The following PEX13 variants were observed in gnomAD, a reference collection of about 807,000 sequenced individuals.
PEX13 encodes the protein peroxisomal biogenesis factor 13.
PEX13 carries 28 observed loss-of-function variants against 34.5 expected under a neutral mutation model. The ratio of observed to expected loss-of-function variants is 0.81; its 90% CI spans 0.60 to 1.11. The LOEUF (loss-of-function observed/expected upper bound fraction) is 1.11, where lower values mean the gene tolerates loss of function less well. PEX13 is among the 50% of genes most tolerant of loss of function. PEX13 has a pLI of 0.00. For missense variants in PEX13, 550 were observed against 491.0 expected (o/e 1.12, Z -1.13); for synonymous variants, 177 against 175.1 (o/e 1.01, Z -0.09).
chr2:61,017,785 C>A lies in PEX13; in HGVS notation c.26C>A (p.Pro9His), dbSNP rs764069625. 9.0e-6 allele frequency: 14 copies of A among 1,550,210 alleles called. No homozygotes were observed. The highest frequency in any genetic ancestry group is 2.0e-5 in the Admixed American group (1 of 50,918). Residue 9 changes from proline (P) to histidine (H), a missense_variant, in exon 1 of 4, where the codon CCC becomes CAC. Coordinates refer to ENST00000295030, the MANE Select transcript of PEX13 (RefSeq NM_002618.4). ...ATGGCGTCCCAGCCGCCACCTCCCC[C>A]CAAACCCTGGGAGACCCGCCGAATT... MASQPPPP[P>H]KPWETRRIPG...
intron 3 of PEX13, 44 bp from the exon 4 acceptor site, chr2:61,048,428 C>T (rs779384395): frequency 1.3e-6 from 2 of 1,541,450 alleles, no homozygotes; most frequent in South Asian, 1.1e-5. Flanking sequence ...TGTTGGACCT[C>T]CAAAGTATAT....
intron 2 of PEX13, among the ~76,000 whole-genome samples, chr2:61,036,968 C>A: frequency 6.6e-6 from 1 of 151,800 alleles, no homozygotes. Flanking sequence ...AAAAAAAAAG[C>A]AGGAGTTGCA....
chr2:61,020,769 C>T (rs1215393860), intron 1 of PEX13, among the ~76,000 whole-genome samples: 1 of 152,120 alleles, frequency 6.6e-6, no homozygotes, highest in African/African-American at 2.4e-5. Context: ...ATTCTCCTGC[C>T]TCAGTCTCCC....
intron 2 of PEX13, among the ~76,000 whole-genome samples, chr2:61,040,263 G>A (rs1323048999): frequency 6.6e-6 from 1 of 152,098 alleles, no homozygotes; most frequent in African/African-American, 2.4e-5. Context: ...TATAAATCGT[G>A]CTACTATAAA....
Position 61,031,839 on chromosome 2 carries a change from GA to G in PEX13, c.517del (p.Ile173TyrfsTer27). On this transcript the variant is annotated frameshift_variant, in exon 2 of 4. Coordinates refer to ENST00000295030, the MANE Select transcript of PEX13 (RefSeq NM_002618.4). LOFTEE classifies it high-confidence loss of function. Reference protein sequence around the residue: ...LDVANHFSRLKIHFTKVFSAF... With the variant: ...LDVANHFSRLXIHFTKVFSAF... ...ATGTAGCAAATCACTTTTCCCGATT[GA>G]AAATACACTTTACAAAAGTGTTTTC... 1 of 1,613,460 alleles carries G rather than the reference GA, an allele frequency of 6.2e-7. No homozygotes were observed. Among genetic ancestry groups the G allele is most frequent in the East Asian group, 2.2e-5 (1 of 44,884 alleles).
At position 61,031,955 on chromosome 2, in the gene PEX13, T is replaced by C; in HGVS notation, c.629T>C (p.Leu210Pro). Reference sequence around the variant, plus strand: ...AGAAGAGGCTCTGAGAATGAAGACCTCTGGGCAGAGAGTGAAGGAACTGTG... The same window carrying C: ...AGAAGAGGCTCTGAGAATGAAGACCCCTGGGCAGAGAGTGAAGGAACTGTG... ...GLRRGSENED[L>P]WAESEGTVAC... The change falls in exon 2 of 4, where the codon CTC becomes CCC. Residue 210 changes from leucine to proline, a missense_variant. Leu to Pro is a moderately conservative substitution (Grantham distance 98, BLOSUM62 -3). Transcript: ENST00000295030. 2.5e-6 allele frequency: 4 copies of C among 1,614,138 alleles called. No individual in the cohort carries two copies. Among genetic ancestry groups the C allele is most frequent in the Non-Finnish European group, 2.5e-6 (3 of 1,179,996 alleles).
At chr2:61,022,351 G>A (rs1323534457) in intron 1 of PEX13, among the ~76,000 whole-genome samples, 3 of 152,198 alleles carry the variant, frequency 2.0e-5, no homozygotes, top group Non-Finnish European at 4.4e-5. Context: ...TGATGGAGCT[G>A]AAAACCATGG....
In PEX13 at chr2:61,048,469, C is replaced by G. The variant is rs761695492; in HGVS notation, c.914-3C>G. 3.1e-6 allele frequency: 5 copies of G among 1,612,544 alleles called. No individual in the cohort carries two copies. Among genetic ancestry groups the G allele is most frequent in the Non-Finnish European group, 2.5e-6 (3 of 1,179,132 alleles). Reference sequence around the variant, plus strand: ...TTACAAGACTGTCTTTTTTTTCCATCAGAACAACAACCCAAAGTGCGTGGT... The same window carrying G: ...TTACAAGACTGTCTTTTTTTTCCATGAGAACAACAACCCAAAGTGCGTGGT... On this transcript the variant is annotated splice_polypyrimidine_tract_variant and splice_region_variant and intron_variant, in intron 3 of 3. Coordinates refer to ENST00000295030, the MANE Select transcript of PEX13 (RefSeq NM_002618.4).
intron 1 of PEX13, among the ~76,000 whole-genome samples, chr2:61,023,214 A>T (rs557302667): frequency 2.5e-4 from 38 of 152,184 alleles, no homozygotes; most frequent in African/African-American, 9.1e-4. Context: ...CTTGTTTCCC[A>T]GGCTGGTCTC....
At chr2:61,037,677 C>T (rs955797033) in intron 2 of PEX13, among the ~76,000 whole-genome samples, 2 of 152,166 alleles carry the variant, frequency 1.3e-5, no homozygotes, top group African/African-American at 4.8e-5. Context: ...CTAAAATCAA[C>T]ACCCTAACAT....
At chr2:61,043,139 G>A (rs187790408) in intron 2 of PEX13, among the ~76,000 whole-genome samples, 2 of 151,958 alleles carry the variant, frequency 1.3e-5, no homozygotes, top group African/African-American at 4.8e-5. Flanking sequence ...CCCCAGAACT[G>A]TGAGCAAATA....
In PEX13 at chr2:61,019,837, TC is replaced by T. The variant is rs1680219318; in HGVS notation, c.92+1988del. 2.6e-5 allele frequency among the ~76,000 whole-genome samples: 4 copies of T among 152,220 alleles called. No homozygotes were observed. The South Asian group carries it at 8.3e-4, about 31-fold the overall frequency. On this transcript the variant is annotated intron_variant, in intron 1 of 3. Transcript: ENST00000295030. ...TTGTAATTGCGCTCTTTACACTTAG[TC>T]CTTTATAAAAAGACTTACTGGGATT...
chr2:61,024,970 T>G (rs1455729268), intron 1 of PEX13, among the ~76,000 whole-genome samples: 1 of 152,236 alleles, frequency 6.6e-6, no homozygotes, highest in East Asian at 1.9e-4. Flanking sequence ...TTGAATATAT[T>G]CAACACAGTT....
intron 2 of PEX13, 108 bp downstream of exon 2, chr2:61,032,221 T>TATATTTTCAGTTAAGAGCTTCAA: frequency 1.2e-6 from 1 of 844,278 alleles, no homozygotes. Flanking sequence ...TGTTTCCAGT[T>TATATTTTCAGTTAAGAGCTTCAA]ATATTTTCAG....
chr2:61,046,673 A>G (rs1473489718), intron 3 of PEX13, among the ~76,000 whole-genome samples: 1 of 152,240 alleles, frequency 6.6e-6, no homozygotes, highest in Non-Finnish European at 1.5e-5. Context: ...CAGAATAAGT[A>G]AATTGTCCAG....
chr2:61,019,277 C>G (rs976767000), intron 1 of PEX13, among the ~76,000 whole-genome samples: 13 of 150,430 alleles, frequency 8.6e-5, no homozygotes, highest in Non-Finnish European at 1.5e-4. Context: ...TTTCTGTTGC[C>G]CAATTTTCTA....
chr2:61,026,298 G>A (rs1484245780), intron 1 of PEX13, among the ~76,000 whole-genome samples: 3 of 150,610 alleles, frequency 2.0e-5, no homozygotes, highest in African/African-American at 7.3e-5. Flanking sequence ...TTCTTGACCG[G>A]TAGTTGAAAA....
rs750534894 is a variant in PEX13, at chr2:61,017,724, A to C, written c.-36A>C. 7 of 1,524,766 alleles carry C rather than the reference A, an allele frequency of 4.6e-6. No individual in the cohort carries two copies. In the South Asian group the frequency reaches 6.0e-5, roughly 13 times the overall value. 94.5% of individuals were successfully genotyped at this position (1,524,766 alleles called of 1,614,324 possible). ...CTGGTCTACGCGGGCCTGGACAGTCAGGGGTAGGAGCGGGAGCCGAGAGGA... is the reference window on the plus strand; with the variant it reads ...CTGGTCTACGCGGGCCTGGACAGTCCGGGGTAGGAGCGGGAGCCGAGAGGA... On this transcript the variant is annotated 5_prime_UTR_variant, in exon 1 of 4. Transcript: ENST00000295030.
rs188610981 is a variant in PEX13 at position 61,049,731 on chromosome 2, C to T, written c.*961C>T. 2.0e-5 allele frequency: 3 copies of T among 152,318 alleles called. No individual in the cohort carries two copies. Among genetic ancestry groups the T allele is most frequent in the East Asian group, 1.9e-4 (1 of 5,182 alleles). 9.4% of individuals were successfully genotyped at this position (152,318 alleles called of 1,614,324 possible). On this transcript the variant is annotated 3_prime_UTR_variant, in exon 4 of 4. Coordinates refer to ENST00000295030, the MANE Select transcript of PEX13 (RefSeq NM_002618.4). ...GGAGGTTACGCTGAGCCGGAGATCT[C>T]GCCATTGCACTTCAGCCTGGGCAAC...
Sources: gnomAD v4.1 joint callset for allele counts (sites outside exome capture counted in the v4.1 genomes callset) on GRCh38, gnomAD v4.1.1 for gene constraint, MANE v1.5 for transcripts, NCBI Gene and HGNC (gene_info 2026-07-23, HGNC 2026-07-21) for gene names.